CYP2C19: variants seen among roughly 807,000 people sequenced by gnomAD.
CYP2C19 encodes cytochrome P450 2C19.
In CYP2C19, 59 loss-of-function variants were observed where a neutral mutation model predicts 40.9. That is an observed-to-expected ratio of 1.44 (90% CI 1.17 to 1.79). The LOEUF is 1.79. Among genes scored for constraint, CYP2C19 ranks in the 40% most tolerant of loss-of-function variants. The pLI is 0.00. For synonymous variants in CYP2C19, 253 were observed against 208.7 expected (o/e 1.21, Z -1.83); for missense variants, 754 against 596.9 (o/e 1.26, Z -2.74).
intron 3 of CYP2C19, chr10:94,776,570 C>G (rs946802509): frequency 6.6e-6 from 1 of 152,142 alleles, no homozygotes; most frequent in Non-Finnish European, 1.5e-5. Flanking sequence ...GCTATTCATT[C>G]AGAGTACTTT....
chr10:94,780,554 C>A lies in CYP2C19; in HGVS notation c.537C>A (p.Cys179Ter). The part of the protein sequence containing the change: ...ILGCAPCNVI[C>*]SIIFQKRFDY... ...GCTGTGCTCCCTGCAATGTGATCTG[C>A]TCCATTATTTTCCAGAAACGTTTCG... Residue 179 changes from cysteine (C) to a stop codon, truncating the protein, a stop_gained, in exon 4 of 9, where the codon TGC becomes TGA. Coordinates refer to ENST00000371321, the MANE Select transcript of CYP2C19 (RefSeq NM_000769.4). LOFTEE classifies it high-confidence loss of function. The A allele has an allele frequency of 6.2e-7, 1 of 1,613,940 alleles. No individual in the cohort carries two copies. Among genetic ancestry groups the A allele is most frequent in the Non-Finnish European group, 8.5e-7 (1 of 1,179,936 alleles).
chr10:94,812,538 C>T (rs1433158396), intron 5 of CYP2C19, among the ~76,000 whole-genome samples: 1 of 152,194 alleles, frequency 6.6e-6, no homozygotes, highest in Non-Finnish European at 1.5e-5. Flanking sequence ...GGTCTTTTCA[C>T]ATAGCACCAC....
chr10:94,805,481 G>C (rs530689515), intron 5 of CYP2C19, among the ~76,000 whole-genome samples: 1 of 152,294 alleles, frequency 6.6e-6, no homozygotes, highest in East Asian at 1.9e-4. Context: ...ATCATTTTAA[G>C]TGTATAGTGT....
At chr10:94,770,489 T>C (rs1848313394) in intron 1 of CYP2C19, among the ~76,000 whole-genome samples, 1 of 152,122 alleles carries the variant, frequency 6.6e-6, no homozygotes, top group Non-Finnish European at 1.5e-5. Context: ...GTTTTCCTTT[T>C]GGGCCTGTTC....
At chr10:94,763,651 A>G (rs1848203305) in intron 1 of CYP2C19, among the ~76,000 whole-genome samples, 1 of 152,008 alleles carries the variant, frequency 6.6e-6, no homozygotes, top group Non-Finnish European at 1.5e-5. Flanking sequence ...ATGAGGCTGT[A>G]GTTATGAAGA....
chr10:94,796,588 T>C (rs979871120), intron 5 of CYP2C19, among the ~76,000 whole-genome samples: 6 of 152,166 alleles, frequency 3.9e-5, no homozygotes, highest in African/African-American at 1.4e-4. Context: ...CCTTGGGCAG[T>C]ATGGCCATTT....
intron 1 of CYP2C19, among the ~76,000 whole-genome samples, chr10:94,766,659 A>G (rs1174742683): frequency 2.6e-5 from 4 of 152,070 alleles, no homozygotes; most frequent in Non-Finnish European, 5.9e-5. Flanking sequence ...GATCGGTGGT[A>G]GGAGCCTTTT....
chr10:94,811,013 G>A (rs924123100), intron 5 of CYP2C19, among the ~76,000 whole-genome samples: 1 of 152,078 alleles, frequency 6.6e-6, no homozygotes, highest in African/African-American at 2.4e-5. Flanking sequence ...TTCTCCTCTG[G>A]ACATTTAGTG....
intron 5 of CYP2C19, among the ~76,000 whole-genome samples, chr10:94,811,823 C>T (rs1281183233): frequency 6.6e-6 from 1 of 151,812 alleles, no homozygotes; most frequent in Non-Finnish European, 1.5e-5. Context: ...GGTCTTGACT[C>T]TATCCAATTT....
At chr10:94,799,433 C>T (rs956809131) in intron 5 of CYP2C19, among the ~76,000 whole-genome samples, 4 of 152,140 alleles carry the variant, frequency 2.6e-5, no homozygotes, top group African/African-American at 9.7e-5. Context: ...CTGCCCTTAA[C>T]ACTTTTTCCT....
chr10:94,852,700 G>A (rs759871212), intron 8 of CYP2C19, 33 bp from the exon 9 acceptor site: 74 of 1,602,556 alleles, frequency 4.6e-5, no homozygotes, highest in Non-Finnish European at 6.3e-5. Context: ...TTACACATGA[G>A]GAGTAACTTC....
chr10:94,828,406 A>C (rs927116769), intron 6 of CYP2C19, among the ~76,000 whole-genome samples: 1 of 149,796 alleles, frequency 6.7e-6, no homozygotes, highest in Non-Finnish European at 1.5e-5. Context: ...TGATCCCTTT[A>C]CCATTATGTA....
intron 5 of CYP2C19, among the ~76,000 whole-genome samples, chr10:94,795,677 C>T (rs1848674092): frequency 6.6e-6 from 1 of 152,156 alleles, no homozygotes; most frequent in Admixed American, 6.5e-5. Flanking sequence ...CGTTTCCTGA[C>T]TTTTTAATGA....
intron 5 of CYP2C19, among the ~76,000 whole-genome samples, chr10:94,809,934 T>C (rs1848889102): frequency 6.6e-6 from 1 of 152,102 alleles, no homozygotes. Flanking sequence ...CAGGCTGGAG[T>C]GCAGTGGCAT....
intron 5 of CYP2C19, among the ~76,000 whole-genome samples, chr10:94,816,577 T>A (rs576214721): frequency 6.6e-6 from 1 of 151,552 alleles, no homozygotes; most frequent in East Asian, 2.0e-4. Flanking sequence ...TGTAGTCTCT[T>A]TCTTTTTTTT....
At chr10:94,828,970 T>C (rs1849279699) in intron 6 of CYP2C19, among the ~76,000 whole-genome samples, 1 of 152,092 alleles carries the variant, frequency 6.6e-6, no homozygotes, top group Non-Finnish European at 1.5e-5. Context: ...ATTCTTTTCT[T>C]TAAGAATGTT....
At chr10:94,844,033 T>G (rs1302470429) in intron 7 of CYP2C19, among the ~76,000 whole-genome samples, 1 of 152,250 alleles carries the variant, frequency 6.6e-6, no homozygotes, top group Non-Finnish European at 1.5e-5. Context: ...CTTCTGTGTT[T>G]ACATTCACAA....
chr10:94,847,880 C>G lies in CYP2C19; in HGVS notation c.1150-2037C>G, dbSNP rs12569455. 4.9e-4 allele frequency among the ~76,000 whole-genome samples: 74 copies of G among 152,216 alleles called. No homozygotes were observed. In the East Asian group the frequency reaches 5.0e-3, roughly 10 times the overall value. ...TTTGGCTGCATAAATGTCTTCTTTT[C>G]AGAAGTGTCTGTTCATATCCTTCAC... On this transcript the variant is annotated intron_variant, in intron 7 of 8. Transcript: ENST00000371321.
chr10:94,846,726 T>C (rs1849577587), intron 7 of CYP2C19, among the ~76,000 whole-genome samples: 1 of 151,970 alleles, frequency 6.6e-6, no homozygotes, highest in South Asian at 2.1e-4. Flanking sequence ...TTAGGGTACA[T>C]GTGCACAATG....
Sources: gnomAD v4.1 joint callset for allele counts (sites outside exome capture counted in the v4.1 genomes callset) on GRCh38, gnomAD v4.1.1 for gene constraint, MANE v1.5 for transcripts, NCBI Gene and HGNC (gene_info 2026-07-23, HGNC 2026-07-21) for gene names.